Variants in ERLEC1 observed in about 807,000 individuals in gnomAD.
The protein encoded by ERLEC1 is ER lectin.
ERLEC1 carries 47 observed loss-of-function variants against 68.0 expected under a neutral mutation model. The observed-to-expected ratio is 0.69, with a 90% CI of 0.55 to 0.88. The LOEUF is 0.88. Among genes scored for constraint, ERLEC1 ranks in the 40% least tolerant of loss-of-function variants. The pLI is 0.00. For missense variants in ERLEC1, 567 were observed against 583.8 expected, an observed-to-expected ratio of 0.97 and a Z score of 0.30; for synonymous variants, 225 against 203.2, an observed-to-expected ratio of 1.11 and a Z score of -0.91.
intron 1 of ERLEC1, among the ~76,000 whole-genome samples, chr2:53,789,833 A>G (rs1675288554): frequency 6.6e-6 from 1 of 152,062 alleles, no homozygotes; most frequent in Non-Finnish European, 1.5e-5. Flanking sequence ...AGCCTAGGCA[A>G]CATGGCGAAA....
At chr2:53,791,457 A>G (rs1451583754) in intron 1 of ERLEC1, among the ~76,000 whole-genome samples, 2 of 152,240 alleles carry the variant, frequency 1.3e-5, no homozygotes, top group African/African-American at 4.8e-5. Context: ...GTTTTATACA[A>G]TCAGAATCCT....
chr2:53,812,800 C>T lies in ERLEC1; in HGVS notation c.1102-149C>T, dbSNP rs1404498425. The T allele has an allele frequency of 2.2e-5, 16 of 727,172 alleles. No homozygotes were observed. The Admixed American group carries it at 2.5e-4, about 11-fold the overall frequency. The allele number at this position is 727,172 out of a possible 1,614,324, so 45.0% of individuals were successfully genotyped here. On this transcript the variant is annotated intron_variant, in intron 10 of 13. Transcript: ENST00000185150. ...AGAAGATAATGTGCTTAAATTTCCACTCATTGAATTTGACTGACATCATTA... is the reference window on the plus strand; with the variant it reads ...AGAAGATAATGTGCTTAAATTTCCATTCATTGAATTTGACTGACATCATTA...
In ERLEC1 at chr2:53,818,524, CA is replaced by C. The variant is rs1558611791; in HGVS notation, c.*556del. On this transcript the variant is annotated 3_prime_UTR_variant, in exon 14 of 14. Transcript: ENST00000185150. ...TAGAGGCTCACATGGGAGTTGTCCT[CA>C]CCCTTGTTAATCTCAAGAAACTCTT... 6.6e-6 allele frequency: 1 copy of C among 152,226 alleles called. No homozygotes were observed. Among genetic ancestry groups the C allele is most frequent in the African/African-American group, 2.4e-5 (1 of 41,448 alleles). 9.4% of individuals were successfully genotyped at this position (152,226 alleles called of 1,614,324 possible).
intron 3 of ERLEC1, among the ~76,000 whole-genome samples, chr2:53,796,405 A>G (rs1675704838): frequency 1.3e-5 from 2 of 151,664 alleles, no homozygotes; most frequent in African/African-American, 2.4e-5. Context: ...CTCTGTTCCT[A>G]TTGTATCAGA....
At chr2:53,813,787 TAG>T (rs1676716206) in intron 11 of ERLEC1, among the ~76,000 whole-genome samples, 1 of 151,998 alleles carries the variant, frequency 6.6e-6, no homozygotes, top group Admixed American at 6.6e-5. Flanking sequence ...AATTAAAACA[TAG>T]ACTTTTTTTT....
chr2:53,805,309 A>G (rs1676231023), intron 8 of ERLEC1, among the ~76,000 whole-genome samples: 1 of 152,150 alleles, frequency 6.6e-6, no homozygotes. Context: ...GACATGAGCC[A>G]CCGCACCCAG....
chr2:53,808,840 G>A (rs987007925), intron 9 of ERLEC1, among the ~76,000 whole-genome samples: 2 of 152,072 alleles, frequency 1.3e-5, no homozygotes, highest in African/African-American at 2.4e-5. Context: ...TGTTACCCAG[G>A]CTGATCTCAA....
chr2:53,794,475 A>T (rs980446591), intron 2 of ERLEC1, 26 bp downstream of exon 2: 1 of 1,025,518 alleles, frequency 9.8e-7, no homozygotes. Flanking sequence ...TATATTGATA[A>T]TCCTGTCACC....
rs567239194 is a variant in ERLEC1 at position 53,817,975 on chromosome 2, A to G, written c.*6A>G. ...TTCTTTCTCTCCCCAACTAAAGGAT[A>G]TTAAAGTTAGGGGAAAGAAAAGATC... is the stretch of plus-strand genomic sequence containing the variant. On this transcript the variant is annotated 3_prime_UTR_variant, in exon 14 of 14. Coordinates refer to ENST00000185150, the MANE Select transcript of ERLEC1 (RefSeq NM_015701.5). 1.3e-6 allele frequency: 2 copies of G among 1,509,666 alleles called. No individual in the cohort carries two copies. The highest frequency in any genetic ancestry group is 2.7e-5 in the African/African-American group (2 of 72,964). The allele number at this position is 1,509,666 out of a possible 1,614,324, so 93.5% of individuals were successfully genotyped here.
At chr2:53,799,153 G>A (rs1675875936) in intron 6 of ERLEC1, 72 bp downstream of exon 6, 1 of 1,275,632 alleles carries the variant, frequency 7.8e-7, no homozygotes, top group South Asian at 1.3e-5. Context: ...TATAACCCAA[G>A]TGACAGAATA....
chr2:53,813,759 A>G (rs1676714878), intron 11 of ERLEC1, among the ~76,000 whole-genome samples: 1 of 152,146 alleles, frequency 6.6e-6, no homozygotes, highest in Non-Finnish European at 1.5e-5. Flanking sequence ...TCGGGCTGAT[A>G]AAAGTCAAAG....
rs909086050 is a variant in ERLEC1, at chr2:53,787,632, C to G, written c.162+260C>G. ...AATTCTGTCGCACTAGACCTTGCTT[C>G]CCAACATTCCCACCCTGCAGAAGCA... On this transcript the variant is annotated intron_variant, in intron 1 of 13. Coordinates refer to ENST00000185150, the MANE Select transcript of ERLEC1 (RefSeq NM_015701.5). The G allele has an allele frequency of 1.3e-5, 5 of 383,018 alleles. No individual in the cohort carries two copies. The Admixed American group carries it at 1.3e-4, about 10-fold the overall frequency. The allele number at this position is 383,018 out of a possible 1,614,324, so 23.7% of individuals were successfully genotyped here.
Position 53,818,331 on chromosome 2 carries a change from T to C in ERLEC1, c.*362T>C, listed in dbSNP as rs572677517. On this transcript the variant is annotated 3_prime_UTR_variant, in exon 14 of 14. Coordinates refer to ENST00000185150, the MANE Select transcript of ERLEC1 (RefSeq NM_015701.5). ...AATAATAGATTTATTATGTAAATTA[T>C]AGTATATGTAAGTAGCTAATGAAGT... The C allele has an allele frequency of 6.8e-5, 11 of 161,186 alleles. No individual in the cohort carries two copies. The East Asian group carries it at 1.7e-3, about 25-fold the overall frequency. The allele number at this position is 161,186 out of a possible 1,614,324, so 10.0% of individuals were successfully genotyped here. A position where few individuals can be genotyped will look rare whatever the true frequency, so the allele number is the denominator to read the frequency against.
chr2:53,810,000 G>A (rs866138043), intron 10 of ERLEC1, among the ~76,000 whole-genome samples: 1 of 152,096 alleles, frequency 6.6e-6, no homozygotes, highest in African/African-American at 2.4e-5. Context: ...GCAGTGAGCC[G>A]AGATCACGCC....
chr2:53,796,055 C>T, intron 3 of ERLEC1, 42 bp downstream of exon 3: 3 of 1,246,014 alleles, frequency 2.4e-6, no homozygotes, highest in Non-Finnish European at 3.4e-6. Flanking sequence ...AAATAGATTA[C>T]CAACAGCCAA....
intron 1 of ERLEC1, among the ~76,000 whole-genome samples, 162 bp from the exon 2 acceptor site, chr2:53,794,183 A>AT (rs1327282094): frequency 3.3e-5 from 5 of 152,296 alleles, no homozygotes. Flanking sequence ...CGAATCTAAA[A>AT]TTTTTGTTAA....
rs1423486740 is a variant in ERLEC1 at position 53,814,919 on chromosome 2, G to A, written c.1364G>A (p.Cys455Tyr). 1 of 1,581,634 alleles carries A rather than the reference G, an allele frequency of 6.3e-7. No individual in the cohort carries two copies. Among genetic ancestry groups the A allele is most frequent in the African/African-American group, 1.4e-5 (1 of 72,520 alleles). Residue 455 changes from cysteine (C) to tyrosine (Y), a missense_variant, in exon 13 of 14, where the codon TGT (cysteine) becomes TAT (tyrosine). By Grantham distance (194) the Cys-to-Tyr change is radical. Coordinates refer to ENST00000185150, the MANE Select transcript of ERLEC1 (RefSeq NM_015701.5). Reference sequence around the variant, plus strand: ...GTATATATGCTAGAGCCTCACTCCTGTCAATATATTCTTGGGGTAAGTTAA... The same window carrying A: ...GTATATATGCTAGAGCCTCACTCCTATCAATATATTCTTGGGGTAAGTTAA... ...VTVYMLEPHSCQYILGVESPV... is the reference protein window; with the variant it reads ...VTVYMLEPHSYQYILGVESPV...
At position 53,814,921 on chromosome 2, in the gene ERLEC1, C is replaced by T; in HGVS notation, c.1366C>T (p.Gln456Ter). 1.3e-6 allele frequency: 2 copies of T among 1,554,076 alleles called. No individual in the cohort carries two copies. Among genetic ancestry groups the T allele is most frequent in the Non-Finnish European group, 8.8e-7 (1 of 1,141,344 alleles). ...ATATATGCTAGAGCCTCACTCCTGT[C>T]AATATATTCTTGGGGTAAGTTAAAA... is the stretch of plus-strand genomic sequence containing the variant. ...TVYMLEPHSC[Q>*]YILGVESPVI... Residue 456 changes from glutamine to a stop codon, truncating the protein, a stop_gained, in exon 13 of 14, where the codon CAA becomes TAA. Transcript: ENST00000185150. LOFTEE classifies it high-confidence loss of function.
At chr2:53,800,563 C>A (rs1675950667) in intron 6 of ERLEC1, among the ~76,000 whole-genome samples, 2 of 152,004 alleles carry the variant, frequency 1.3e-5, no homozygotes, top group Non-Finnish European at 2.9e-5. Flanking sequence ...ATTATTTATT[C>A]TGGTTTCGGA....
Sources: gnomAD v4.1 joint callset for allele counts (sites outside exome capture counted in the v4.1 genomes callset) on GRCh38, gnomAD v4.1.1 for gene constraint, MANE v1.5 for transcripts, NCBI Gene and HGNC (gene_info 2026-07-23, HGNC 2026-07-21) for gene names.